NIPSNAP3B: variants seen among roughly 807,000 people sequenced by gnomAD.
NIPSNAP3B encodes nipsnap homolog 3B, also known as protein NipSnap homolog 3B.
A neutral mutation model predicts 31.5 loss-of-function variants in NIPSNAP3B; 30 were observed. That is an observed-to-expected ratio of 0.95 (90% confidence interval 0.71 to 1.29). The LOEUF (loss-of-function observed/expected upper bound fraction) is 1.29. NIPSNAP3B is among the 50% of genes most tolerant of loss of function. The probability of loss-of-function intolerance (pLI) is 0.00; values close to 1 mark genes in which losing one functional copy is unlikely to be tolerated. For synonymous variants in NIPSNAP3B, 106 were observed against 107.9 expected, an observed-to-expected ratio of 0.98 and a Z score of 0.11; for missense variants, 269 against 300.7, an observed-to-expected ratio of 0.89 and a Z score of 0.78.
rs150554330 is a variant in NIPSNAP3B, at chr9:104,772,999, C to G, written c.670C>G (p.Arg224Gly). The G allele has an allele frequency of 6.2e-7, 1 of 1,613,892 alleles. No homozygotes were observed. Among genetic ancestry groups the G allele is most frequent in the East Asian group, 2.2e-5 (1 of 44,884 alleles). ...HEDPRVVAAV[R>G]ESVNYLVSQQ... ...CTTCTTATGAAATGTTTTTCCAGTT[C>G]GGGAAAGTGTCAACTACCTAGTTTC... The change falls in exon 6 of 6, where the codon CGG (arginine) becomes GGG (glycine). Residue 224 changes from arginine (R) to glycine (G), a missense_variant and splice_region_variant. Transcript: ENST00000374762.
Position 104,769,051 on chromosome 9 carries a change from T to G in NIPSNAP3B, c.430+30T>G, listed in dbSNP as rs1195588954. ...GTTCTTCCCTCTTAGACTATGAGTTTTAATGAGTAAAATACTAAAGACCTA... is the reference window on the plus strand; with the variant it reads ...GTTCTTCCCTCTTAGACTATGAGTTGTAATGAGTAAAATACTAAAGACCTA... On this transcript the variant is annotated intron_variant, in intron 3 of 5. Transcript: ENST00000374762. 5 of 1,568,570 alleles carry G rather than the reference T, an allele frequency of 3.2e-6. No individual in the cohort carries two copies. The South Asian group carries it at 5.8e-5, about 18-fold the overall frequency.
chr9:104,786,488 G>T, the NIPSNAP3B span: 1 of 1,075,132 alleles, frequency 9.3e-7, no homozygotes, highest in Non-Finnish European at 1.4e-6. Flanking sequence ...CTAGGGAATT[G>T]TATTCTGTTA....
the NIPSNAP3B span, among the ~76,000 whole-genome samples, chr9:104,784,974 C>T: frequency 3.2e-4 from 49 of 152,102 alleles, no homozygotes; most frequent in Non-Finnish European, 2.9e-4. Flanking sequence ...GCCCCCCACC[C>T]CTACATCACC....
At chr9:104,780,074 T>C (rs576658401), downstream of NIPSNAP3B, among the ~76,000 whole-genome samples, 41 of 152,280 alleles carry the variant, frequency 2.7e-4, no homozygotes, top group South Asian at 8.5e-3. Flanking sequence ...GGGTAACATA[T>C]TTTCATCTAA....
the NIPSNAP3B span, chr9:104,787,011 G>T: frequency 6.4e-7 from 1 of 1,560,010 alleles, no homozygotes; most frequent in Non-Finnish European, 8.7e-7. Flanking sequence ...TATTTGCTGG[G>T]GGGAAAAAAA....
chr9:104,772,547 A>G (rs1828246792), intron 4 of NIPSNAP3B, among the ~76,000 whole-genome samples: 1 of 152,136 alleles, frequency 6.6e-6, no homozygotes, highest in Non-Finnish European at 1.5e-5. Context: ...TTTAAAAAAT[A>G]AAACATAGTA....
chr9:104,790,452 A>G, the NIPSNAP3B span, among the ~76,000 whole-genome samples: 1 of 152,226 alleles, frequency 6.6e-6, no homozygotes, highest in African/African-American at 2.4e-5. Flanking sequence ...ATCTTAGGAA[A>G]TGTAACCCAC....
the NIPSNAP3B span, chr9:104,787,793 G>C: frequency 1.3e-6 from 2 of 1,597,794 alleles, no homozygotes; most frequent in Non-Finnish European, 1.7e-6. Context: ...GCTTTTCCAA[G>C]GTTGCTCTGC....
the NIPSNAP3B span, among the ~76,000 whole-genome samples, chr9:104,784,636 T>TTTA: frequency 4.6e-5 from 7 of 152,256 alleles, no homozygotes; most frequent in East Asian, 1.4e-3. Context: ...CAATAACAAC[T>TTTA]TAAAAATAGA....
intron 4 of NIPSNAP3B, 153 bp downstream of exon 4, chr9:104,771,151 A>T (rs556610454): frequency 1.8e-5 from 11 of 610,418 alleles, no homozygotes; most frequent in African/African-American, 1.7e-4. Flanking sequence ...CTTATTTTAC[A>T]TCTTATTTTT....
chr9:104,789,445 T>A, the NIPSNAP3B span, among the ~76,000 whole-genome samples: 27,365 of 152,228 alleles, frequency 0.18, 3,645 homozygotes, highest in African/African-American at 0.37. Context: ...TGCAAAAATG[T>A]AAGAGACAGG....
At chr9:104,790,736 G>A in the NIPSNAP3B span, among the ~76,000 whole-genome samples, 1 of 152,164 alleles carries the variant, frequency 6.6e-6, no homozygotes, top group African/African-American at 2.4e-5. Flanking sequence ...GAAAGGAAAT[G>A]TAAATTGTGA....
the NIPSNAP3B span, among the ~76,000 whole-genome samples, chr9:104,790,526 G>T: frequency 1.3e-5 from 2 of 152,186 alleles, no homozygotes; most frequent in Non-Finnish European, 2.9e-5. Flanking sequence ...CATACAGTAT[G>T]ATCTCAATTG....
chr9:104,777,140 A>T lies in NIPSNAP3B; in HGVS notation c.*4067A>T, dbSNP rs1027590336. ...ATTGTATTTTCAGGAAGAGAAACAG[A>T]TATGCAACCAATCTGATTTGGTTCC... On this transcript the variant is annotated 3_prime_UTR_variant, in exon 6 of 6. Transcript: ENST00000374762. 2.6e-5 allele frequency: 4 copies of T among 152,252 alleles called. No individual in the cohort carries two copies. Among genetic ancestry groups the T allele is most frequent in the African/African-American group, 7.2e-5 (3 of 41,474 alleles). 9.4% of individuals were successfully genotyped at this position (152,252 alleles called of 1,614,324 possible). A position where few individuals can be genotyped will look rare whatever the true frequency, so the allele number is the denominator to read the frequency against.
chr9:104,786,319 C>T, the NIPSNAP3B span: 2 of 1,614,076 alleles, frequency 1.2e-6, no homozygotes, highest in Non-Finnish European at 1.7e-6. Context: ...ATGCTGGACA[C>T]TGCCAAGGCA....
chr9:104,788,132 A>C, the NIPSNAP3B span: 2 of 1,476,612 alleles, frequency 1.4e-6, no homozygotes, highest in Non-Finnish European at 1.9e-6. Context: ...CATGTATGAA[A>C]GTTCTTTCAC....
At position 104,772,914 on chromosome 9, in the gene NIPSNAP3B, CT is replaced by C. The variant is rs767865366; in HGVS notation, c.667+7del. 38 of 1,613,622 alleles carry C rather than the reference CT, an allele frequency of 2.4e-5. No homozygotes were observed. The South Asian group carries it at 3.7e-4, about 16-fold the overall frequency. ...TCCCAGAGTTGTGGCGGCTGGTAAG[CT>C]GTTTCACTAAGCACGAATTATTTTT... On this transcript the variant is annotated splice_region_variant and intron_variant, in intron 5 of 5. Transcript: ENST00000374762.
the NIPSNAP3B span, chr9:104,784,457 T>C: frequency 6.2e-7 from 1 of 1,614,076 alleles, no homozygotes; most frequent in Non-Finnish European, 8.5e-7. Context: ...CACAAATACC[T>C]GTTAAAAGAT....
At position 104,776,190 on chromosome 9, in the gene NIPSNAP3B, T is replaced by A. The variant is rs1250945796; in HGVS notation, c.*3117T>A. Among the ~76,000 whole-genome samples the A allele has an allele frequency of 6.6e-6, 1 of 152,182 alleles. No individual in the cohort carries two copies. Among genetic ancestry groups the A allele is most frequent in the Non-Finnish European group, 1.5e-5 (1 of 68,026 alleles). ...CTCCAGACCTGACCTAAGAGGCTTT[T>A]CTCTGAACTTGCTAAACATGCTCTT... On this transcript the variant is annotated 3_prime_UTR_variant, in exon 6 of 6. Coordinates refer to ENST00000374762, the MANE Select transcript of NIPSNAP3B (RefSeq NM_018376.4).
Sources: gnomAD v4.1 joint callset for allele counts (sites outside exome capture counted in the v4.1 genomes callset) on GRCh38, gnomAD v4.1.1 for gene constraint, MANE v1.5 for transcripts, NCBI Gene and HGNC (gene_info 2026-07-23, HGNC 2026-07-21) for gene names.